TCF4: variants seen among roughly 807,000 people sequenced by gnomAD.
TCF4 encodes SL3-3 enhancer factor 2.
TCF4 carries 3 observed loss-of-function variants against 82.1 expected under a neutral mutation model. The ratio of observed to expected loss-of-function variants is 0.04; its 90% CI spans 0.02 to 0.09. The LOEUF (loss-of-function observed/expected upper bound fraction) is 0.09, where lower values mean the gene tolerates loss of function less well. TCF4 is among the 10% of genes least tolerant of loss of function. TCF4 has a pLI of 1.00. For synonymous variants in TCF4, 276 were observed against 309.6 expected (o/e 0.89, Z 1.14); for missense variants, 518 against 852.7 (o/e 0.61, Z 4.89).
chr18:55,440,227 AAC>A (rs890662332), intron 5 of TCF4, among the ~76,000 whole-genome samples: 1 of 152,210 alleles, frequency 6.6e-6, no homozygotes, highest in African/African-American at 2.4e-5. Context: ...ACTAGATAAA[AAC>A]ACACACACAT....
intron 8 of TCF4, among the ~76,000 whole-genome samples, chr18:55,325,301 AAT>A (rs1427053324): frequency 6.6e-6 from 1 of 152,238 alleles, no homozygotes; most frequent in Non-Finnish European, 1.5e-5. Context: ...AAAGAGAGAA[AAT>A]ATGACTAAAG....
At chr18:55,479,818 G>A (rs1473371376) in intron 3 of TCF4, among the ~76,000 whole-genome samples, 3 of 152,128 alleles carry the variant, frequency 2.0e-5, no homozygotes, top group Non-Finnish European at 4.4e-5. Context: ...AGCATACCCT[G>A]ACTAATGCAT....
At chr18:55,465,278 C>G (rs1012784499) in intron 3 of TCF4, among the ~76,000 whole-genome samples, 11 of 152,042 alleles carry the variant, frequency 7.2e-5, no homozygotes, top group African/African-American at 2.7e-4. Flanking sequence ...ATTATTACTG[C>G]TATTTTATTA....
intron 8 of TCF4, among the ~76,000 whole-genome samples, chr18:55,297,809 C>G (rs1235505434): frequency 6.6e-6 from 1 of 151,910 alleles, no homozygotes. Context: ...ATTTTTAGGA[C>G]TTCCAAGGAC....
At chr18:55,472,504 G>A (rs1344522876) in intron 3 of TCF4, among the ~76,000 whole-genome samples, 1 of 152,294 alleles carries the variant, frequency 6.6e-6, no homozygotes, top group East Asian at 1.9e-4. Flanking sequence ...TCCTCTTGAA[G>A]AGAAGTTAGT....
At position 55,461,033 on chromosome 18, in the gene TCF4, T is replaced by C. The variant is rs1568107383; in HGVS notation, c.290A>G (p.Asn97Ser). ...ATGGGTCTTACTTTGTATTCTGGAA[T>C]TGACAAAAGGTGGAGAGAGATTGTC... ...SHDNLSPPFV[N>S]SRIQSKTERG... is the part of the protein sequence containing the mutation. The change falls in exon 5 of 20, where the codon AAT becomes AGT. Residue 97 changes from asparagine (N) to serine (S), a missense_variant. By Grantham distance (46) the Asn-to-Ser change is conservative. Around this residue, in one of 7 missense-constraint regions of TCF4, gnomAD observed 80 missense variants for 93.8 expected, o/e 0.85. Transcript: ENST00000354452. The C allele has an allele frequency of 6.2e-7, 1 of 1,613,238 alleles. No homozygotes were observed.
At chr18:55,581,602 T>C (rs1603624447) in intron 3 of TCF4, among the ~76,000 whole-genome samples, 1 of 152,078 alleles carries the variant, frequency 6.6e-6, no homozygotes. Context: ...CCAATTTTTT[T>C]TTCATGCCAT....
At chr18:55,486,262 C>T (rs763149084) in intron 3 of TCF4, among the ~76,000 whole-genome samples, 26 of 152,078 alleles carry the variant, frequency 1.7e-4, no homozygotes, top group African/African-American at 2.2e-4. Flanking sequence ...GAAAAGGAGA[C>T]GGAAGTTTCC....
intron 2 of TCF4, among the ~76,000 whole-genome samples, chr18:55,603,766 T>TA (rs1182792540): frequency 6.6e-6 from 1 of 152,186 alleles, no homozygotes; most frequent in East Asian, 1.9e-4. Context: ...AATAGATGCT[T>TA]ACTGTCCCTG....
At chr18:55,543,858 T>C (rs1228936234) in intron 3 of TCF4, among the ~76,000 whole-genome samples, 1 of 152,200 alleles carries the variant, frequency 6.6e-6, no homozygotes, top group East Asian at 1.9e-4. Context: ...AACAGATATG[T>C]ATGTTGCCAT....
intron 5 of TCF4, chr18:55,404,139 C>G (rs533937377): frequency 1.6e-6 from 1 of 614,400 alleles, no homozygotes; most frequent in African/African-American, 2.0e-5. Flanking sequence ...CACCAATAGA[C>G]CCAGCAGGAC....
chr18:55,627,984 C>G (rs535884251), intron 2 of TCF4, among the ~76,000 whole-genome samples: 3 of 152,114 alleles, frequency 2.0e-5, no homozygotes, highest in African/African-American at 7.2e-5. Flanking sequence ...GGCGTGAACC[C>G]GGGAGGCGGA....
intron 8 of TCF4, among the ~76,000 whole-genome samples, chr18:55,300,896 C>A (rs1380027451): frequency 6.6e-6 from 1 of 152,096 alleles, no homozygotes; most frequent in Non-Finnish European, 1.5e-5. Flanking sequence ...AAGAGCTCGT[C>A]CCAGAGAACA....
At chr18:55,277,706 T>A (rs2061731657) in intron 9 of TCF4, among the ~76,000 whole-genome samples, 2 of 151,978 alleles carry the variant, frequency 1.3e-5, no homozygotes, top group Admixed American at 6.6e-5. Context: ...ACTGATATAA[T>A]CTACCTGGCC....
At chr18:55,461,166 C>A (rs1319263921) in intron 4 of TCF4, 51 bp from the exon 5 acceptor site, 1 of 1,433,184 alleles carries the variant, frequency 7.0e-7, no homozygotes, top group Non-Finnish European at 9.7e-7. Context: ...ATAAACAGCA[C>A]ATAAACAAAC....
At chr18:55,326,927 C>T (rs1287544200) in intron 8 of TCF4, among the ~76,000 whole-genome samples, 1 of 152,088 alleles carries the variant, frequency 6.6e-6, no homozygotes, top group Non-Finnish European at 1.5e-5. Flanking sequence ...ACTGCAATGA[C>T]AAAAATCCCT....
chr18:55,571,866 TTTC>T (rs1006249031), intron 3 of TCF4, among the ~76,000 whole-genome samples: 3 of 133,882 alleles, frequency 2.2e-5, no homozygotes, highest in Non-Finnish European at 4.8e-5. Context: ...TCTATCATAT[TTTC>T]TTTTCAAAAA....
chr18:55,275,116 G>A (rs994368789), intron 10 of TCF4, among the ~76,000 whole-genome samples: 1 of 151,878 alleles, frequency 6.6e-6, no homozygotes, highest in African/African-American at 2.4e-5. Flanking sequence ...CTTACTGATG[G>A]AAGTCTACAG....
intron 8 of TCF4, among the ~76,000 whole-genome samples, chr18:55,303,766 A>C (rs2069190483): frequency 6.6e-6 from 1 of 152,220 alleles, no homozygotes; most frequent in South Asian, 2.1e-4. Flanking sequence ...CCTTTGGCTG[A>C]GGGGAAGGAA....
Sources: allele counts gnomAD v4.1 joint callset (sites outside exome capture counted in the v4.1 genomes callset), GRCh38; gene constraint gnomAD v4.1.1; regional missense constraint gnomAD v4.1.1; transcripts MANE v1.5; gene names NCBI Gene and HGNC (gene_info 2026-07-23, HGNC 2026-07-21).